The following UGT3A2 variants were observed in gnomAD, a reference collection of about 807,000 sequenced individuals.
UGT3A2 encodes UDP glycosyltransferase family 3 member A2, also known as UDP-glycosyltransferase 3A2.
A neutral mutation model predicts 39.8 loss-of-function variants in UGT3A2; 32 were observed. That is an observed-to-expected ratio of 0.80 (90% CI 0.61 to 1.08). The LOEUF is 1.08. UGT3A2 is among the 50% of genes least tolerant of loss of function. UGT3A2 has a pLI of 0.00. For synonymous variants in UGT3A2, 241 were observed against 230.7 expected (o/e 1.04, Z -0.40); for missense variants, 611 against 637.1 (o/e 0.96, Z 0.44).
chr5:36,039,442 G>A, intron 5 of UGT3A2, 35 bp downstream of exon 5: 2 of 1,590,338 alleles, frequency 1.3e-6, no homozygotes, highest in African/African-American at 1.3e-5. Context: ...AGACAGGTCA[G>A]TGGAAGGAGA....
chr5:36,064,318 A>C lies in UGT3A2; in HGVS notation c.127T>G (p.Ser43Ala). 6.2e-7 allele frequency: 1 copy of C among 1,614,180 alleles called. No individual in the cohort carries two copies. Among genetic ancestry groups the C allele is most frequent in the Non-Finnish European group, 8.5e-7 (1 of 1,180,042 alleles). The change falls in exon 2 of 7, where the codon TCT becomes GCT. Residue 43 changes from serine (S) to alanine (A), a missense_variant. Transcript: ENST00000282507. ...TGACCGTGATCTTGAAGAATCTGAGAAACCCGGTCCATCAGTAGATAATGG... is the reference window on the plus strand; with the variant it reads ...TGACCGTGATCTTGAAGAATCTGAGCAACCCGGTCCATCAGTAGATAATGG... ...GSHYLLMDRVSQILQDHGHNV... is the reference protein window; with the variant it reads ...GSHYLLMDRVAQILQDHGHNV...
Position 36,037,691 on chromosome 5 carries a change from A to C in UGT3A2, c.1295+106T>G, listed in dbSNP as rs947235477. The C allele has an allele frequency of 2.5e-6, 3 of 1,206,216 alleles. No individual in the cohort carries two copies. The African/African-American group carries it at 4.6e-5, about 18-fold the overall frequency. 74.7% of individuals were successfully genotyped at this position (1,206,216 alleles called of 1,614,324 possible). ...CCCATGTCCTGGAAAATACAGTTTT[A>C]ATCTAAAGCAAAACAAAACAAAACC... On this transcript the variant is annotated intron_variant, in intron 6 of 6. Coordinates refer to ENST00000282507, the MANE Select transcript of UGT3A2 (RefSeq NM_174914.4).
At chr5:36,050,678 A>G (rs1057478859) in intron 3 of UGT3A2, among the ~76,000 whole-genome samples, 11 of 152,324 alleles carry the variant, frequency 7.2e-5, no homozygotes, top group Admixed American at 4.6e-4. Context: ...CCTGGCGAAC[A>G]TGGTGAAATG....
Position 36,051,862 on chromosome 5 carries a change from AC to A in UGT3A2, c.311+7del, listed in dbSNP as rs1381686287. On this transcript the variant is annotated splice_region_variant and intron_variant, in intron 3 of 6. Transcript: ENST00000282507. ...ACCTTTTTGTTCAAAGAATAAAAAA[AC>A]AATTACCTGCCACCTAAAGTTTCTT... 22 of 1,574,068 alleles carry A rather than the reference AC, an allele frequency of 1.4e-5. No individual in the cohort carries two copies. In the African/African-American group the frequency reaches 2.4e-4, roughly 17 times the overall value.
In UGT3A2 at chr5:36,035,774, G is replaced by T. The variant is rs145508882; in HGVS notation, c.1496C>A (p.Thr499Asn). 6.2e-7 allele frequency: 1 copy of T among 1,614,136 alleles called. No homozygotes were observed. Among genetic ancestry groups the T allele is most frequent in the Non-Finnish European group, 8.5e-7 (1 of 1,180,026 alleles). Residue 499 changes from threonine (T) to asparagine (N), a missense_variant, in exon 7 of 7, where the codon ACT becomes AAT. Thr to Asn is a moderately conservative substitution (Grantham distance 65, BLOSUM62 0). Coordinates refer to ENST00000282507, the MANE Select transcript of UGT3A2 (RefSeq NM_174914.4). ...FVFLLGLTLG[T>N]LWLCGKLLGM... ...CAGCAGCTTCCCACAAAGCCATAGA[G>T]TCCCCAGAGTGAGCCCCAGCAGAAA...
chr5:36,038,946 G>T (rs1304225625), intron 5 of UGT3A2, among the ~76,000 whole-genome samples: 1 of 152,190 alleles, frequency 6.6e-6, no homozygotes, highest in African/African-American at 2.4e-5. Context: ...TGGCACACAG[G>T]TATGTTGGCA....
At position 36,048,989 on chromosome 5, in the gene UGT3A2, A is replaced by T. The variant is rs1406968907; in HGVS notation, c.743T>A (p.Phe248Tyr). 2.5e-6 allele frequency: 4 copies of T among 1,614,206 alleles called. No homozygotes were observed. The Admixed American group carries it at 6.7e-5, about 27-fold the overall frequency. Residue 248 changes from phenylalanine (F) to tyrosine (Y), a missense_variant, in exon 4 of 7, where the codon TTC (phenylalanine) becomes TAC (tyrosine). Coordinates refer to ENST00000282507, the MANE Select transcript of UGT3A2 (RefSeq NM_174914.4). Reference sequence around the variant, plus strand: ...ATCAAAGGCAAAGTCAGAGTTAATGAACCACAACTCTGCTTTCAGTAGAAG... The same window carrying T: ...ATCAAAGGCAAAGTCAGAGTTAATGTACCACAACTCTGCTTTCAGTAGAAG... ...SHLLLKAELW[F>Y]INSDFAFDFA...
At chr5:36,039,850 C>A in intron 4 of UGT3A2, 142 bp from the exon 5 acceptor site, 1 of 662,592 alleles carries the variant, frequency 1.5e-6, no homozygotes, top group Non-Finnish European at 2.6e-6. Flanking sequence ...CCTAGTATAG[C>A]TCGATACTAG....
chr5:36,062,848 T>C (rs1162355861), intron 2 of UGT3A2, among the ~76,000 whole-genome samples: 2 of 152,192 alleles, frequency 1.3e-5, no homozygotes, highest in Admixed American at 1.3e-4. Context: ...GAGACTAGCC[T>C]GGCCAACATG....
At chr5:36,039,376 C>T (rs1741929428) in intron 5 of UGT3A2, 101 bp downstream of exon 5, 1 of 1,177,358 alleles carries the variant, frequency 8.5e-7, no homozygotes, top group Admixed American at 1.8e-5. Flanking sequence ...TTACCTGTAC[C>T]ATTCACCAGT....
At chr5:36,046,641 G>A (rs1401210016) in intron 4 of UGT3A2, among the ~76,000 whole-genome samples, 2 of 152,158 alleles carry the variant, frequency 1.3e-5, no homozygotes, top group Admixed American at 6.5e-5. Flanking sequence ...AGTGGGTATG[G>A]TTAATGGTAC....
chr5:36,052,779 C>A (rs985631742), intron 2 of UGT3A2, among the ~76,000 whole-genome samples: 1 of 152,096 alleles, frequency 6.6e-6, no homozygotes, highest in African/African-American at 2.4e-5. Context: ...AGTCATAAAC[C>A]TCTCATATCT....
intron 4 of UGT3A2, among the ~76,000 whole-genome samples, chr5:36,045,607 A>G (rs994129358): frequency 6.6e-6 from 1 of 151,854 alleles, no homozygotes; most frequent in African/African-American, 2.4e-5. Context: ...TCTCAAAAAA[A>G]AAAAAGAAAA....
intron 4 of UGT3A2, among the ~76,000 whole-genome samples, chr5:36,048,004 C>T (rs1341746663): frequency 2.0e-5 from 3 of 152,192 alleles, no homozygotes; most frequent in Non-Finnish European, 4.4e-5. Context: ...CCCAACTCTT[C>T]CTGCTCACTC....
chr5:36,044,011 C>G (rs1469365652), intron 4 of UGT3A2, among the ~76,000 whole-genome samples: 1 of 151,834 alleles, frequency 6.6e-6, no homozygotes, highest in East Asian at 1.9e-4. Context: ...ACCTTTATAC[C>G]AAAACCAGAC....
chr5:36,062,198 T>G (rs1160223269), intron 2 of UGT3A2, among the ~76,000 whole-genome samples: 6 of 150,286 alleles, frequency 4.0e-5, no homozygotes, highest in African/African-American at 9.8e-5. Flanking sequence ...AGGTTGCCTG[T>G]TCACTCTGAT....
At chr5:36,037,766 A>G (rs765353755) in intron 6 of UGT3A2, 31 bp downstream of exon 6, 16 of 1,612,400 alleles carry the variant, frequency 9.9e-6, no homozygotes, top group Non-Finnish European at 1.0e-5. Context: ...TTCATTCGTC[A>G]TTATGACCAC....
chr5:36,057,434 G>T (rs530997838), intron 2 of UGT3A2, among the ~76,000 whole-genome samples: 4 of 152,026 alleles, frequency 2.6e-5, no homozygotes, highest in African/African-American at 9.6e-5. Context: ...AAACAGAAAG[G>T]ATCCACACAT....
intron 2 of UGT3A2, among the ~76,000 whole-genome samples, chr5:36,060,972 A>G (rs956826048): frequency 1.3e-5 from 2 of 152,198 alleles, no homozygotes; most frequent in African/African-American, 2.4e-5. Flanking sequence ...CCTGGCGAAC[A>G]TGGCAAAACC....
Sources: gnomAD v4.1 joint callset for allele counts (sites outside exome capture counted in the v4.1 genomes callset) on GRCh38, gnomAD v4.1.1 for gene constraint, MANE v1.5 for transcripts, NCBI Gene and HGNC (gene_info 2026-07-23, HGNC 2026-07-21) for gene names.